NPC1: variants seen among roughly 807,000 people sequenced by gnomAD.
NPC1 encodes NPC intracellular cholesterol transporter 1, also known as Niemann-Pick C1 protein.
Under a neutral mutation model 140.4 loss-of-function variants are expected in NPC1, and 85 were observed. The ratio of observed to expected loss-of-function variants is 0.61; its 90% CI spans 0.51 to 0.72. The LOEUF is 0.72. Among genes scored for constraint, NPC1 ranks in the 30% least tolerant of loss-of-function variants. The pLI is 0.00. For missense variants in NPC1, 1,504 were observed against 1,623.8 expected, an observed-to-expected ratio of 0.93 and a Z score of 1.27; for synonymous variants, 656 against 624.8, an observed-to-expected ratio of 1.05 and a Z score of -0.74.
chr18:23,562,055 C>G (rs1280363280), intron 4 of NPC1, among the ~76,000 whole-genome samples: 1 of 152,068 alleles, frequency 6.6e-6, no homozygotes, highest in Non-Finnish European at 1.5e-5. Flanking sequence ...TCTGGGAGGC[C>G]GAGGTGGGCG....
At chr18:23,546,637 A>G (rs967088550) in intron 11 of NPC1, among the ~76,000 whole-genome samples, 1 of 152,224 alleles carries the variant, frequency 6.6e-6, no homozygotes, top group South Asian at 2.1e-4. Context: ...TGATAAATGC[A>G]CACAATGTGG....
intron 1 of NPC1, among the ~76,000 whole-genome samples, chr18:23,577,770 G>A (rs1359530047): frequency 2.0e-5 from 3 of 152,258 alleles, no homozygotes; most frequent in African/African-American, 7.2e-5. Context: ...CCCGAGCCCT[G>A]CCCCGTGGGA....
chr18:23,524,317 C>G (rs1431793888), downstream of NPC1: 11 of 1,491,202 alleles, frequency 7.4e-6, no homozygotes, highest in Non-Finnish European at 9.3e-6. Context: ...GTCCAGGGGC[C>G]TCGCGTTTAG....
intron 2 of NPC1, 83 bp downstream of exon 2, chr18:23,573,369 C>A: frequency 6.3e-7 from 1 of 1,581,864 alleles, no homozygotes; most frequent in Non-Finnish European, 8.7e-7. Flanking sequence ...CCACCTCCAC[C>A]CTGCAATAAC....
Position 23,553,565 on chromosome 18 carries a change from C to T in NPC1, c.1553+1193G>A, listed in dbSNP as rs145029811. ...GAGTCCTTAGCTCTTGAGAAGTAGT[C>T]GGCTGAGCAGTGTCCTTAAAGGCAA... is the stretch of plus-strand genomic sequence containing the variant. On this transcript the variant is annotated intron_variant, in intron 9 of 24. Transcript: ENST00000269228. 2.2e-3 allele frequency among the ~76,000 whole-genome samples: 335 copies of T among 152,302 alleles called. 2 individuals are homozygous for T. Among genetic ancestry groups the T allele is most frequent in the African/African-American group, 7.9e-3 (327 of 41,550 alleles).
At chr18:23,539,083 C>A (rs2058674616) in intron 19 of NPC1, among the ~76,000 whole-genome samples, 2 of 152,174 alleles carry the variant, frequency 1.3e-5, no homozygotes, top group South Asian at 2.1e-4. Flanking sequence ...GAGAGGCAAT[C>A]GCTGGAGTTA....
intron 24 of NPC1, chr18:23,532,787 T>C (rs991888531): frequency 4.1e-6 from 3 of 733,474 alleles, no homozygotes; most frequent in African/African-American, 1.9e-5. Flanking sequence ...AGCCCCTCAT[T>C]TTCTTAATCT....
chr18:23,534,560 C>G lies in NPC1; in HGVS notation c.3478-1G>C. 1 of 1,612,114 alleles carries G rather than the reference C, an allele frequency of 6.2e-7. No homozygotes were observed. Among genetic ancestry groups the G allele is most frequent in the African/African-American group, 1.3e-5 (1 of 75,024 alleles). The stretch of plus-strand genomic sequence containing the variant: ...AGAACTCCACGGAGATGCCACAGCT[C>G]TGAAATAAAGCACTTCCTTTAGGAT... On this transcript the variant is annotated splice_acceptor_variant, in intron 22 of 24. Coordinates refer to ENST00000269228, the MANE Select transcript of NPC1 (RefSeq NM_000271.5). LOFTEE classifies it high-confidence loss of function.
intron 1 of NPC1, chr18:23,523,025 G>C (rs2058185333): frequency 6.6e-6 from 1 of 152,236 alleles, no homozygotes; most frequent in African/African-American, 2.4e-5. Flanking sequence ...CATCTGGGGG[G>C]CCTTAAAAAT....
At chr18:23,528,160 G>C, downstream of NPC1, 1 of 358,926 alleles carries the variant, frequency 2.8e-6, no homozygotes, top group Non-Finnish European at 5.0e-6. Flanking sequence ...GTTTGATCTT[G>C]CCTGTAGATC....
Position 23,524,085 on chromosome 18 carries a change from C to T in NPC1, c.164-1179G>A, listed in dbSNP as rs766843454. 9 of 1,600,626 alleles carry T rather than the reference C, an allele frequency of 5.6e-6. No individual in the cohort carries two copies. The African/African-American group carries it at 6.7e-5, about 12-fold the overall frequency. ...GTGTCATAAGTACCAGCATTTGCAG[C>T]ATTTTCTGACTGCATCGTTGCACTT... is the stretch of plus-strand genomic sequence containing the variant. On this transcript the variant is annotated intron_variant, in intron 1 of 1. Transcript: ENST00000590723.
intron 3 of NPC1, among the ~76,000 whole-genome samples, chr18:23,507,381 T>C (rs2057742492): frequency 6.6e-6 from 1 of 152,190 alleles, no homozygotes; most frequent in Non-Finnish European, 1.5e-5. Flanking sequence ...CGCCTCAGTC[T>C]CCCTTAAAAA....
intron 23 of NPC1, 55 bp downstream of exon 23, chr18:23,534,388 TGAG>T (rs890223505): frequency 1.6e-5 from 18 of 1,151,388 alleles, no homozygotes; most frequent in Non-Finnish European, 2.1e-5. Context: ...CTTCAGTCAC[TGAG>T]GAGGATTACT....
At position 23,541,073 on chromosome 18, in the gene NPC1, T is replaced by C. The variant is rs756239485; in HGVS notation, c.2509A>G (p.Ile837Val). 23 of 1,614,078 alleles carry C rather than the reference T, an allele frequency of 1.4e-5. No individual in the cohort carries two copies. The highest frequency in any genetic ancestry group is 4.4e-5 in the South Asian group (4 of 91,094). The change falls in exon 16 of 25, where the codon ATT becomes GTT. Residue 837 changes from isoleucine (I) to valine (V), a missense_variant. Transcript: ENST00000269228. ...PLLLKDWMRPIVIAIFVGVLS... is the reference protein window; with the variant it reads ...PLLLKDWMRPVVIAIFVGVLS... The stretch of plus-strand genomic sequence containing the variant: ...AACCACAGATAAGCGCATACCACAA[T>C]TGGTCTCATCCAGTCCTTTAGCAGA...
chr18:23,516,109 C>T (rs532369429), intron 3 of NPC1: 34 of 1,493,506 alleles, frequency 2.3e-5, no homozygotes, highest in Non-Finnish European at 2.8e-5. Flanking sequence ...GTAACGTCAC[C>T]GCTCTGACCA....
At chr18:23,525,319 C>T (rs1397121549), downstream of NPC1, among the ~76,000 whole-genome samples, 1 of 152,144 alleles carries the variant, frequency 6.6e-6, no homozygotes, top group African/African-American at 2.4e-5. Flanking sequence ...GCTATCTCAG[C>T]TTACTGCAGC....
chr18:23,507,006 T>G (rs1443435056), intron 3 of NPC1: 1 of 1,609,900 alleles, frequency 6.2e-7, no homozygotes, highest in Non-Finnish European at 8.5e-7. Flanking sequence ...GCATTAAGTT[T>G]TCCTTAGAAA....
downstream of NPC1, chr18:23,524,379 T>G: frequency 6.2e-7 from 1 of 1,602,158 alleles, no homozygotes; most frequent in African/African-American, 1.3e-5. Context: ...AAACTGGGTT[T>G]GCTTTTTGTT....
chr18:23,563,253 T>C (rs1473496764), intron 4 of NPC1, among the ~76,000 whole-genome samples: 1 of 152,242 alleles, frequency 6.6e-6, no homozygotes, highest in Non-Finnish European at 1.5e-5. Context: ...GGACATATGT[T>C]TTGTTTATCC....
Sources: gnomAD v4.1 joint callset for allele counts (sites outside exome capture counted in the v4.1 genomes callset) on GRCh38, gnomAD v4.1.1 for gene constraint, MANE v1.5 for transcripts, NCBI Gene and HGNC (gene_info 2026-07-23, HGNC 2026-07-21) for gene names.